Variants in AGTPBP1 observed in about 807,000 individuals in gnomAD.
AGTPBP1 encodes the protein ATP/GTP binding carboxypeptidase 1.
Under a neutral mutation model 143.9 loss-of-function variants are expected in AGTPBP1, and 70 were observed. The ratio of observed to expected loss-of-function variants is 0.49; its 90% CI spans 0.40 to 0.59. The LOEUF is 0.59. AGTPBP1 is among the 20% of genes least tolerant of loss of function. AGTPBP1 has a pLI of 0.00. For missense variants in AGTPBP1, 1,229 were observed against 1,464.5 expected (o/e 0.84, Z 2.62); for synonymous variants, 463 against 500.2 (o/e 0.93, Z 0.99).
At chr9:85,592,515 A>C (rs1392198269) in intron 19 of AGTPBP1, 45 bp downstream of exon 19, 2 of 1,397,554 alleles carry the variant, frequency 1.4e-6, no homozygotes, top group African/African-American at 3.0e-5. Flanking sequence ...TTCTTCCATT[A>C]TCTTATACAT....
At chr9:85,656,597 G>A (rs1351833434) in intron 10 of AGTPBP1, among the ~76,000 whole-genome samples, 1 of 151,568 alleles carries the variant, frequency 6.6e-6, no homozygotes, top group African/African-American at 2.4e-5. Flanking sequence ...AATAATTATA[G>A]CTTTCTTAAA....
the AGTPBP1 span, among the ~76,000 whole-genome samples, chr9:85,785,107 C>T: frequency 4.6e-5 from 7 of 151,962 alleles, no homozygotes; most frequent in Middle Eastern, 3.4e-3. Flanking sequence ...CCAAGGCAGG[C>T]GGATCACCTG....
At chr9:85,589,850 G>C (rs939999562) in intron 19 of AGTPBP1, among the ~76,000 whole-genome samples, 169 bp from the exon 20 acceptor site, 5 of 152,072 alleles carry the variant, frequency 3.3e-5, no homozygotes, top group Non-Finnish European at 4.4e-5. Flanking sequence ...TGGGAAACTT[G>C]AAACAGGCAA....
intron 13 of AGTPBP1, among the ~76,000 whole-genome samples, chr9:85,637,697 CAAG>C (rs1470215897): frequency 1.3e-5 from 2 of 152,180 alleles, no homozygotes; most frequent in Non-Finnish European, 2.9e-5. Flanking sequence ...TCTGGAATGA[CAAG>C]AAATATTTCT....
chr9:85,652,400 T>C (rs1175726340), intron 11 of AGTPBP1, among the ~76,000 whole-genome samples: 1 of 151,930 alleles, frequency 6.6e-6, no homozygotes, highest in South Asian at 2.1e-4. Context: ...TAGTCCCAGC[T>C]ACTTGGGTGG....
chr9:85,760,684 G>T, the AGTPBP1 span, among the ~76,000 whole-genome samples: 2 of 152,116 alleles, frequency 1.3e-5, no homozygotes, highest in Non-Finnish European at 2.9e-5. Context: ...GCAAAAACTG[G>T]AAGCATTCCC....
intron 9 of AGTPBP1, among the ~76,000 whole-genome samples, chr9:85,660,361 T>C (rs1478599537): frequency 6.6e-6 from 1 of 152,006 alleles, no homozygotes; most frequent in Non-Finnish European, 1.5e-5. Flanking sequence ...AGAGAAAAAA[T>C]ATATGTAAGT....
intron 25 of AGTPBP1, among the ~76,000 whole-genome samples, chr9:85,550,139 C>T (rs150130634): frequency 1.0e-3 from 156 of 151,100 alleles, no homozygotes; most frequent in African/African-American, 3.6e-3. Context: ...AGTAAGTTAG[C>T]GGTGCAAAGA....
At chr9:85,625,911 T>G (rs75257870) in intron 14 of AGTPBP1, among the ~76,000 whole-genome samples, 2,384 of 116,158 alleles carry the variant, frequency 0.021, 34 homozygotes, top group Middle Eastern at 0.067. Context: ...TTTGTTTTTT[T>G]TTTTTTTTTT....
At chr9:85,618,716 G>A (rs1024113387) in intron 17 of AGTPBP1, among the ~76,000 whole-genome samples, 5 of 152,110 alleles carry the variant, frequency 3.3e-5, no homozygotes, top group South Asian at 2.1e-4. Context: ...TGTCGCCATC[G>A]GAGTATACAT....
intron 8 of AGTPBP1, among the ~76,000 whole-genome samples, chr9:85,664,359 A>G (rs1223666027): frequency 6.6e-6 from 1 of 152,176 alleles, no homozygotes; most frequent in Non-Finnish European, 1.5e-5. Flanking sequence ...AAATTCATAT[A>G]GCATTTTACA....
intron 25 of AGTPBP1, among the ~76,000 whole-genome samples, chr9:85,561,046 G>A (rs1339560808): frequency 6.6e-6 from 1 of 152,104 alleles, no homozygotes; most frequent in African/African-American, 2.4e-5. Context: ...GAAAGACTAA[G>A]AGAAATTCAT....
intron 3 of AGTPBP1, among the ~76,000 whole-genome samples, chr9:85,684,581 T>A (rs1365884215): frequency 6.6e-6 from 1 of 152,138 alleles, no homozygotes; most frequent in Non-Finnish European, 1.5e-5. Context: ...AAGTACTCTA[T>A]ATTCCCTGTG....
intron 8 of AGTPBP1, among the ~76,000 whole-genome samples, chr9:85,664,629 A>G (rs1219712863): frequency 6.6e-6 from 1 of 152,172 alleles, no homozygotes; most frequent in Non-Finnish European, 1.5e-5. Flanking sequence ...AGTCAATCTA[A>G]TATAACAGAA....
intron 25 of AGTPBP1, among the ~76,000 whole-genome samples, chr9:85,566,026 G>C (rs1175668666): frequency 6.6e-6 from 1 of 152,088 alleles, no homozygotes; most frequent in East Asian, 1.9e-4. Flanking sequence ...TAATTCAATT[G>C]AATTTTTAAA....
chr9:85,669,746 T>G (rs1174594726), intron 7 of AGTPBP1, among the ~76,000 whole-genome samples, 168 bp from the exon 8 acceptor site: 3 of 151,838 alleles, frequency 2.0e-5, no homozygotes, highest in Non-Finnish European at 4.4e-5. Flanking sequence ...GTGTTTTTTG[T>G]TTTTGCTTTG....
chr9:85,736,920 C>T (rs147770268), intron 1 of AGTPBP1, among the ~76,000 whole-genome samples: 7 of 152,176 alleles, frequency 4.6e-5, no homozygotes, highest in East Asian at 1.9e-4. Flanking sequence ...TCCTGGCTAA[C>T]GCGGTGAAAC....
intron 17 of AGTPBP1, among the ~76,000 whole-genome samples, chr9:85,612,009 A>C (rs568563366): frequency 3.5e-4 from 54 of 152,150 alleles, no homozygotes; most frequent in East Asian, 9.7e-4. Context: ...ATCTCTCTCT[A>C]TATATATTGG....
intron 17 of AGTPBP1, among the ~76,000 whole-genome samples, chr9:85,614,001 C>T (rs992273187): frequency 5.3e-5 from 8 of 151,914 alleles, no homozygotes; most frequent in Admixed American, 3.9e-4. Flanking sequence ...GGTCACATTA[C>T]ATTCATTGAT....
Sources: allele counts gnomAD v4.1 joint callset (sites outside exome capture counted in the v4.1 genomes callset), GRCh38; gene constraint gnomAD v4.1.1; transcripts MANE v1.5; gene names NCBI Gene and HGNC (gene_info 2026-07-23, HGNC 2026-07-21).